Variants in CNBD1 observed in about 807,000 individuals in gnomAD.
CNBD1 encodes cyclic nucleotide-binding domain-containing protein 1.
In CNBD1, 71 loss-of-function variants were observed where a neutral mutation model predicts 54.4. The observed-to-expected ratio is 1.30, with a 90% CI of 1.08 to 1.59. The LOEUF is 1.59. Ranked by LOEUF, CNBD1 falls within the 40% of genes most tolerant of loss-of-function variation. The pLI, the probability that CNBD1 is intolerant of heterozygous loss-of-function variation, is 0.00. For synonymous variants in CNBD1, 182 were observed against 170.7 expected (o/e 1.07, Z -0.51); for missense variants, 659 against 518.0 (o/e 1.27, Z -2.64).
intron 4 of CNBD1, among the ~76,000 whole-genome samples, chr8:86,954,438 A>G (rs1403607602): frequency 3.9e-5 from 6 of 152,220 alleles, no homozygotes; most frequent in African/African-American, 1.4e-4. Flanking sequence ...TTTTGAATTT[A>G]GTCAATATGT....
chr8:86,980,931 A>C (rs1808472627), intron 4 of CNBD1, among the ~76,000 whole-genome samples: 1 of 152,212 alleles, frequency 6.6e-6, no homozygotes, highest in African/African-American at 2.4e-5. Context: ...AGTGATCTGC[A>C]GAACTTAATA....
chr8:86,866,838 T>C (rs1441844809), intron 1 of CNBD1, among the ~76,000 whole-genome samples: 1 of 152,206 alleles, frequency 6.6e-6, no homozygotes, highest in African/African-American at 2.4e-5. Context: ...TTCAGATACA[T>C]TGAAATATTT....
chr8:87,239,463 C>T (rs4961015), intron 6 of CNBD1, among the ~76,000 whole-genome samples: 58,761 of 151,806 alleles, frequency 0.39, 13,037 homozygotes, highest in Non-Finnish European at 0.5. Flanking sequence ...TGTAGTTTTG[C>T]ACACATAAAG....
chr8:87,389,095 A>T (rs568714124), intron 2 of CNBD1, among the ~76,000 whole-genome samples: 3 of 152,274 alleles, frequency 2.0e-5, no homozygotes, highest in South Asian at 2.1e-4. Flanking sequence ...TTGATGGGAC[A>T]TATCTCAAAA....
chr8:87,221,021 T>C (rs543253796), intron 5 of CNBD1, among the ~76,000 whole-genome samples: 1 of 152,132 alleles, frequency 6.6e-6, no homozygotes, highest in African/African-American at 2.4e-5. Context: ...GTGGCTGTCC[T>C]GGCCAAGCAG....
intron 4 of CNBD1, among the ~76,000 whole-genome samples, chr8:87,162,261 CAG>C (rs1005347471): frequency 6.6e-6 from 1 of 151,976 alleles, no homozygotes; most frequent in Admixed American, 6.6e-5. Context: ...TATGTTGAAA[CAG>C]AAAATGATAA....
At chr8:86,999,958 G>A (rs1353042617) in intron 4 of CNBD1, among the ~76,000 whole-genome samples, 1 of 152,182 alleles carries the variant, frequency 6.6e-6, no homozygotes, top group Non-Finnish European at 1.5e-5. Context: ...GCTGGCCTTA[G>A]ACTGAATTTT....
At chr8:86,948,474 CATT>C (rs1392026319) in intron 4 of CNBD1, among the ~76,000 whole-genome samples, 1 of 152,138 alleles carries the variant, frequency 6.6e-6, no homozygotes, top group Non-Finnish European at 1.5e-5. Context: ...GATGACACCT[CATT>C]GTAGTTTTGA....
At chr8:86,967,881 T>C (rs1808127095) in intron 4 of CNBD1, among the ~76,000 whole-genome samples, 1 of 151,960 alleles carries the variant, frequency 6.6e-6, no homozygotes, top group South Asian at 2.1e-4. Flanking sequence ...TGTTGAAAGG[T>C]AGATATTGAG....
At chr8:87,323,813 G>A (rs1285980677) in intron 8 of CNBD1, among the ~76,000 whole-genome samples, 1 of 124,084 alleles carries the variant, frequency 8.1e-6, no homozygotes, top group African/African-American at 3.0e-5. Flanking sequence ...CTGCCTGATT[G>A]CCCTGGCCAG....
At chr8:87,023,837 A>G (rs56701655) in intron 4 of CNBD1, among the ~76,000 whole-genome samples, 4,653 of 152,314 alleles carry the variant, frequency 0.031, 245 homozygotes, top group African/African-American at 0.1. Flanking sequence ...TTTGAGTTAC[A>G]TGGTTTGATT....
intron 8 of CNBD1, among the ~76,000 whole-genome samples, chr8:87,323,766 C>T (rs1335999131): frequency 8.3e-6 from 1 of 120,644 alleles, no homozygotes; most frequent in Non-Finnish European, 1.9e-5. Flanking sequence ...AATTTGACTT[C>T]CTCTTTTCCT....
intron 4 of CNBD1, among the ~76,000 whole-genome samples, chr8:87,191,027 T>C (rs1368239337): frequency 6.6e-6 from 1 of 151,348 alleles, no homozygotes; most frequent in Non-Finnish European, 1.5e-5. Flanking sequence ...TTATAGTTTA[T>C]TAAGGAGAAT....
chr8:87,012,918 T>C (rs1051764740), intron 4 of CNBD1, among the ~76,000 whole-genome samples: 5 of 152,232 alleles, frequency 3.3e-5, no homozygotes, highest in Non-Finnish European at 2.9e-5. Flanking sequence ...CCAATCACCC[T>C]GGGCACATGT....
At chr8:87,399,304 A>T (rs1009624091) in intron 2 of CNBD1, among the ~76,000 whole-genome samples, 18 of 152,066 alleles carry the variant, frequency 1.2e-4, no homozygotes, top group African/African-American at 4.3e-4. Context: ...TGGCAGGGTT[A>T]GCCTTGGACA....
chr8:87,393,731 A>G (rs1035516672), intron 2 of CNBD1, among the ~76,000 whole-genome samples: 3 of 151,918 alleles, frequency 2.0e-5, no homozygotes, highest in Admixed American at 2.0e-4. Context: ...GCCTGAGAAG[A>G]GGGAGAGAAA....
At chr8:87,400,670 T>C (rs1370589384) in intron 2 of CNBD1, among the ~76,000 whole-genome samples, 1 of 151,960 alleles carries the variant, frequency 6.6e-6, no homozygotes, top group Non-Finnish European at 1.5e-5. Context: ...CTTTTTGCAT[T>C]GTGGAAAATA....
intron 4 of CNBD1, among the ~76,000 whole-genome samples, chr8:87,048,371 G>A (rs1161838989): frequency 6.6e-6 from 1 of 152,170 alleles, no homozygotes; most frequent in East Asian, 1.9e-4. Flanking sequence ...CCAATTTGGA[G>A]GCAGTGCTTC....
At chr8:87,412,351 A>G (rs1157995505) in intron 2 of CNBD1, among the ~76,000 whole-genome samples, 3 of 152,152 alleles carry the variant, frequency 2.0e-5, no homozygotes, top group African/African-American at 4.8e-5. Flanking sequence ...AAAACAGAAC[A>G]GTAATACTAT....
Sources: allele counts gnomAD v4.1 joint callset (sites outside exome capture counted in the v4.1 genomes callset), GRCh38; gene constraint gnomAD v4.1.1; transcripts MANE v1.5; gene names NCBI Gene and HGNC (gene_info 2026-07-23, HGNC 2026-07-21).